UAP1: variants seen among roughly 807,000 people sequenced by gnomAD.
UAP1 encodes UDP-N-acetylhexosamine pyrophosphorylase.
UAP1 carries 25 observed loss-of-function variants against 58.5 expected under a neutral mutation model. That is an observed-to-expected ratio of 0.43 (90% CI 0.31 to 0.60). UAP1 has a LOEUF of 0.60. Among genes scored for constraint, UAP1 ranks in the 20% least tolerant of loss-of-function variants. The pLI, the probability that UAP1 is intolerant of heterozygous loss-of-function variation, is 0.11. For missense variants in UAP1, 575 were observed against 630.0 expected (o/e 0.91, Z 0.93); for synonymous variants, 208 against 213.0 (o/e 0.98, Z 0.21).
rs761861479 is a variant in UAP1 at position 162,595,231 on chromosome 1, C to T, written c.1409+2449C>T. Among the ~76,000 whole-genome samples the T allele has an allele frequency of 2.0e-5, 3 of 152,136 alleles. No homozygotes were observed. The South Asian group carries it at 6.2e-4, about 32-fold the overall frequency. On this transcript the variant is annotated intron_variant, in intron 9 of 10. Transcript: ENST00000271469. Reference sequence around the variant, plus strand: ...ATCCAATTTTGTTTACTGAAGTTCACTCCTTAGTTTCTTGGGGTATCTTTG... The same window carrying T: ...ATCCAATTTTGTTTACTGAAGTTCATTCCTTAGTTTCTTGGGGTATCTTTG...
chr1:162,576,870 A>G (rs1183001400), exon 3 of UAP1: 7 of 1,614,044 alleles, frequency 4.3e-6, no homozygotes, highest in East Asian at 2.2e-5. Context: ...AAGGGGATGT[A>G]TGATGTTGGT....
At chr1:162,599,507 C>T in exon 11 of UAP1, 1 of 491,882 alleles carries the variant, frequency 2.0e-6, no homozygotes. Context: ...AGAGCTATTG[C>T]AAACTTCCCA....
exon 2 of UAP1, chr1:162,566,311 A>T: frequency 6.2e-7 from 1 of 1,614,196 alleles, no homozygotes; most frequent in Non-Finnish European, 8.5e-7. Context: ...GCAGTGCTAC[A>T]AGGGATCAAG....
intron 3 of UAP1, among the ~76,000 whole-genome samples, chr1:162,578,476 G>GT (rs1179441751): frequency 6.6e-6 from 1 of 152,202 alleles, no homozygotes; most frequent in African/African-American, 2.4e-5. Flanking sequence ...GCTGTGAACT[G>GT]TTTTGTTCAT....
chr1:162,590,657 A>G (rs752647538), intron 8 of UAP1, 146 bp downstream of exon 8: 1 of 509,912 alleles, frequency 2.0e-6, no homozygotes, highest in Non-Finnish European at 3.3e-6. Context: ...GTGAAATAAC[A>G]GTAGCTTTGC....
At chr1:162,582,546 G>GT (rs1654653741) in intron 5 of UAP1, among the ~76,000 whole-genome samples, 1 of 152,130 alleles carries the variant, frequency 6.6e-6, no homozygotes, top group Non-Finnish European at 1.5e-5. Context: ...TAACAATAAA[G>GT]TAAGATCTCT....
chr1:162,579,056 A>G (rs1355041413), intron 3 of UAP1, among the ~76,000 whole-genome samples: 4 of 152,232 alleles, frequency 2.6e-5, no homozygotes, highest in Admixed American at 6.5e-5. Context: ...CCAAGAGATC[A>G]TTAAACTGTA....
intron 7 of UAP1, 111 bp from the exon 8 acceptor site, chr1:162,590,212 G>T: frequency 2.5e-6 from 2 of 801,928 alleles, no homozygotes; most frequent in Non-Finnish European, 3.8e-6. Context: ...TCATCATTCA[G>T]ATTGGAATAG....
At position 162,580,090 on chromosome 1, in the gene UAP1, C is replaced by G. The variant is rs528326230; in HGVS notation, c.661+487C>G. 2.0e-5 allele frequency among the ~76,000 whole-genome samples: 3 copies of G among 152,262 alleles called. No homozygotes were observed. The South Asian group carries it at 6.2e-4, about 32-fold the overall frequency. On this transcript the variant is annotated intron_variant, in intron 4 of 10. Coordinates refer to ENST00000271469, the Ensembl canonical transcript of UAP1. ...CCATGTTGGCTAGGCTGGTCTCAAA[C>G]TCCTGACCTCAAATGATGTACCTGC...
chr1:162,575,892 A>G (rs1373351524), intron 2 of UAP1, among the ~76,000 whole-genome samples: 1 of 152,244 alleles, frequency 6.6e-6, no homozygotes, highest in Middle Eastern at 3.4e-3. Flanking sequence ...TATGTTGGCC[A>G]GACTGCTCTC....
At position 162,597,557 on chromosome 1, in the gene UAP1, A is replaced by G. The variant is rs1299615353; in HGVS notation, c.1410-235A>G. 1.4e-4 allele frequency: 68 copies of G among 487,568 alleles called. No homozygotes were observed. In the East Asian group the frequency reaches 2.2e-3, roughly 16 times the overall value. 30.2% of individuals were successfully genotyped at this position (487,568 alleles called of 1,614,324 possible). ...TGTGTAAAAACTAGTGAAGTGCTGT[A>G]AAGAGCTACCAGTAATTATTGGCAC... On this transcript the variant is annotated intron_variant, in intron 9 of 10. Transcript: ENST00000271469.
chr1:162,589,272 TAA>T (rs1258344401), intron 7 of UAP1, among the ~76,000 whole-genome samples: 18 of 130,504 alleles, frequency 1.4e-4, no homozygotes, highest in South Asian at 2.2e-4. Flanking sequence ...TATTTATTTA[TAA>T]TATATATAAA....
intron 5 of UAP1, among the ~76,000 whole-genome samples, chr1:162,585,784 T>TA (rs11297669): frequency 6.7e-6 from 1 of 148,174 alleles, no homozygotes. Context: ...CTGTGTGCGT[T>TA]AAAAAAAAAA....
chr1:162,562,976 G>C (rs1406796585), intron 1 of UAP1, among the ~76,000 whole-genome samples: 1 of 152,106 alleles, frequency 6.6e-6, no homozygotes, highest in Non-Finnish European at 1.5e-5. Flanking sequence ...TTTGATAATG[G>C]TAGATTATTA....
intron 1 of UAP1, among the ~76,000 whole-genome samples, chr1:162,564,413 A>G (rs12071215): frequency 0.042 from 6,381 of 152,302 alleles, 461 homozygotes; most frequent in African/African-American, 0.15. Flanking sequence ...CACTGTTCTT[A>G]TAGGAAGAGA....
chr1:162,582,781 A>G (rs1244291720), intron 5 of UAP1, among the ~76,000 whole-genome samples: 4 of 152,246 alleles, frequency 2.6e-5, no homozygotes, highest in Non-Finnish European at 5.9e-5. Context: ...CTGCCAAAGA[A>G]GTTATTTCTC....
chr1:162,583,442 C>T (rs529405482), intron 5 of UAP1, among the ~76,000 whole-genome samples: 2 of 149,578 alleles, frequency 1.3e-5, no homozygotes, highest in Admixed American at 6.6e-5. Flanking sequence ...CGTGAGCCAC[C>T]GTGCCCAGCT....
intron 9 of UAP1, chr1:162,597,201 T>C (rs1655668185): frequency 6.6e-6 from 1 of 152,242 alleles, no homozygotes; most frequent in African/African-American, 2.4e-5. Context: ...TGTCCAGTTT[T>C]GTAGTCATTG....
In UAP1 at chr1:162,589,364, G is replaced by C. The variant is rs1655160047; in HGVS notation, c.1169+531G>C. Among the ~76,000 whole-genome samples, 9 of 144,698 alleles carry C rather than the reference G, an allele frequency of 6.2e-5. No homozygotes were observed. In the South Asian group the frequency reaches 1.9e-3, roughly 31 times the overall value. 94.9% of individuals were successfully genotyped at this position (144,698 alleles called of 152,430 possible). ...GATGGGGTCTTGCTATGTTGAGCAG[G>C]CGGGTCTCAAACTTGTGGCCTCAAG... On this transcript the variant is annotated intron_variant, in intron 7 of 10. Coordinates refer to ENST00000271469, the Ensembl canonical transcript of UAP1.
Sources: allele counts gnomAD v4.1 joint callset (sites outside exome capture counted in the v4.1 genomes callset), GRCh38; gene constraint gnomAD v4.1.1; transcripts MANE v1.5; gene names NCBI Gene and HGNC (gene_info 2026-07-23, HGNC 2026-07-21).